The following SASH1 variants were observed in gnomAD, a reference collection of about 807,000 sequenced individuals.
SASH1 encodes the protein SAM and SH3 domain containing 1, also known as SAM and SH3 domain-containing protein 1.
A neutral mutation model predicts 125.2 loss-of-function variants in SASH1; 44 were observed. That is an observed-to-expected ratio of 0.35 (90% CI 0.28 to 0.45). The LOEUF (loss-of-function observed/expected upper bound fraction) is 0.45, where lower values mean the gene tolerates loss of function less well. Among genes scored for constraint, SASH1 ranks in the 20% least tolerant of loss-of-function variants. SASH1 has a pLI of 1.00. For synonymous variants in SASH1, 639 were observed against 649.1 expected, an observed-to-expected ratio of 0.98 and a Z score of 0.24; for missense variants, 1,426 against 1,614.5, an observed-to-expected ratio of 0.88 and a Z score of 2.00.
At chr6:148,478,143 A>G (rs1778452605) in intron 7 of SASH1, among the ~76,000 whole-genome samples, 2 of 152,230 alleles carry the variant, frequency 1.3e-5, no homozygotes, top group Admixed American at 1.3e-4. Flanking sequence ...ATACAAAAAA[A>G]TAGAACTACC....
the SASH1 span, among the ~76,000 whole-genome samples, chr6:148,210,197 C>G: frequency 2.0e-5 from 3 of 152,150 alleles, no homozygotes; most frequent in Non-Finnish European, 4.4e-5. Context: ...TGCTGATGCC[C>G]CTTTTACAGA....
chr6:148,502,150 G>T (rs1779583757), intron 8 of SASH1, among the ~76,000 whole-genome samples: 1 of 152,034 alleles, frequency 6.6e-6, no homozygotes, highest in South Asian at 2.1e-4. Flanking sequence ...TTCAAATCTG[G>T]CAACAACTAG....
chr6:148,219,848 A>C, the SASH1 span, among the ~76,000 whole-genome samples: 4 of 152,170 alleles, frequency 2.6e-5, no homozygotes, highest in African/African-American at 9.7e-5. Flanking sequence ...TCTTTACAGC[A>C]CAGGTGGAAC....
intron 1 of SASH1, among the ~76,000 whole-genome samples, chr6:148,379,606 T>G (rs1783053008): frequency 6.6e-6 from 1 of 151,946 alleles, no homozygotes; most frequent in Non-Finnish European, 1.5e-5. Flanking sequence ...CATCCATCAA[T>G]CCATCCATCC....
intron 1 of SASH1, among the ~76,000 whole-genome samples, chr6:148,349,252 C>CTTTTTTTTTTTTTT (rs11317386): frequency 1.3e-3 from 59 of 47,038 alleles, no homozygotes; most frequent in Non-Finnish European, 1.5e-3. Context: ...TTCTTTCTTT[C>CTTTTTTTTTTTTTT]TTTTTTTTTT....
At chr6:148,410,458 T>G (rs754295849) in intron 2 of SASH1, among the ~76,000 whole-genome samples, 7 of 152,116 alleles carry the variant, frequency 4.6e-5, no homozygotes, top group Non-Finnish European at 1.0e-4. Context: ...AAGGTAACAT[T>G]TGTGGAAGGC....
chr6:148,313,615 CCCCACTA>C (rs1780395151), intron 1 of SASH1, among the ~76,000 whole-genome samples: 1 of 152,088 alleles, frequency 6.6e-6, no homozygotes, highest in South Asian at 2.1e-4. Context: ...CTTCCACTGC[CCCCACTA>C]CCCCTCAACA....
At chr6:148,348,911 C>T (rs974319639) in intron 1 of SASH1, among the ~76,000 whole-genome samples, 33 of 152,238 alleles carry the variant, frequency 2.2e-4, no homozygotes, top group Admixed American at 2.0e-3. Context: ...GTGGGCAGAG[C>T]GCCCCGAAGG....
intron 1 of SASH1, among the ~76,000 whole-genome samples, chr6:148,304,788 G>T (rs540360669): frequency 3.4e-4 from 51 of 152,182 alleles, no homozygotes; most frequent in Non-Finnish European, 6.6e-4. Context: ...AACACTTTGG[G>T]AGGCCGAGGC....
At chr6:148,292,134 A>G (rs1430266615) in intron 1 of SASH1, among the ~76,000 whole-genome samples, 1 of 152,234 alleles carries the variant, frequency 6.6e-6, no homozygotes, top group Non-Finnish European at 1.5e-5. Context: ...TTGAGATTAG[A>G]AAGTAGACAG....
Position 148,387,601 on chromosome 6 carries a change from T to TTCC in SASH1, c.157-2532_157-2531insCCT, listed in dbSNP as rs1783466441. The stretch of plus-strand genomic sequence containing the variant: ...CTTTCTTTCTTTCTTTCTTTCTTTC[T>TTCC]TTCTTTCTTTCTTTCTTTCTTTCTT... On this transcript the variant is annotated intron_variant, in intron 1 of 19. Coordinates refer to ENST00000367467, the MANE Select transcript of SASH1 (RefSeq NM_015278.5). Among the ~76,000 whole-genome samples, 4 of 18,226 alleles carry TTCC rather than the reference T, an allele frequency of 2.2e-4. 1 individual carries two copies. Among genetic ancestry groups the TTCC allele is most frequent in the African/African-American group, 1.3e-3 (4 of 3,156 alleles). 12.0% of individuals were successfully genotyped at this position (18,226 alleles called of 152,430 possible).
rs145464650 is a variant in SASH1 at position 148,336,862 on chromosome 6, T to C, written n.75-53272T>C. Among the ~76,000 whole-genome samples, 438 of 152,332 alleles carry C rather than the reference T, an allele frequency of 2.9e-3. 2 individuals are homozygous for C. Among genetic ancestry groups the C allele is most frequent in the African/African-American group, 9.9e-3 (411 of 41,576 alleles). ...ATCAAGAAAGGTTGAGTTCACTAAGTGGTTTTGTCTTCGCAGGGATTCTGC... is the reference window on the plus strand; with the variant it reads ...ATCAAGAAAGGTTGAGTTCACTAAGCGGTTTTGTCTTCGCAGGGATTCTGC... On this transcript the variant is annotated intron_variant and non_coding_transcript_variant, in intron 1 of 3. Coordinates refer to the SASH1 transcript ENST00000367469.
At chr6:148,234,435 C>T in the SASH1 span, among the ~76,000 whole-genome samples, 18 of 151,812 alleles carry the variant, frequency 1.2e-4, no homozygotes, top group South Asian at 2.1e-4. Flanking sequence ...ACTGAGGTTT[C>T]TGCAAAGCAT....
At chr6:148,259,635 G>A in the SASH1 span, among the ~76,000 whole-genome samples, 3 of 152,148 alleles carry the variant, frequency 2.0e-5, no homozygotes, top group Non-Finnish European at 4.4e-5. Context: ...CCCAGCACAC[G>A]CCTAACTTAA....
Position 148,532,136 on chromosome 6 carries a change from G to T in SASH1, c.1564+475G>T, listed in dbSNP as rs893013783. 6.6e-6 allele frequency among the ~76,000 whole-genome samples: 1 copy of T among 152,114 alleles called. No individual in the cohort carries two copies. The highest frequency in any genetic ancestry group is 6.5e-5 in the Admixed American group (1 of 15,276). On this transcript the variant is annotated intron_variant, in intron 13 of 19. Transcript: ENST00000367467. The surrounding 1 kb of genome is among the most constrained non-coding windows in gnomAD (Gnocchi z 4.7). ...ACTGTCTCCCAGGCTGGAGTGCAGT[G>T]TTGTGATCTCAGCTCACTGCAACCT...
At chr6:148,415,893 A>G (rs1784798291) in intron 2 of SASH1, among the ~76,000 whole-genome samples, 1 of 152,244 alleles carries the variant, frequency 6.6e-6, no homozygotes, top group South Asian at 2.1e-4. Context: ...TTTTAAAGAG[A>G]GAATTAGGGA....
chr6:148,224,137 T>C, the SASH1 span, among the ~76,000 whole-genome samples: 1 of 152,072 alleles, frequency 6.6e-6, no homozygotes, highest in African/African-American at 2.4e-5. Flanking sequence ...CTACCAAAAA[T>C]TTTAAAAAAT....
chr6:148,308,804 C>T, intron 1 of SASH1, among the ~76,000 whole-genome samples: 1 of 151,150 alleles, frequency 6.6e-6, no homozygotes, highest in Admixed American at 6.6e-5. Flanking sequence ...TCTTTCTCTG[C>T]CAGACGCAGT....
chr6:148,415,391 T>G (rs1340728370), intron 2 of SASH1, among the ~76,000 whole-genome samples: 1 of 152,216 alleles, frequency 6.6e-6, no homozygotes, highest in Non-Finnish European at 1.5e-5. Flanking sequence ...CAACCTGTTC[T>G]TTAAAGGGTC....
Sources: allele counts gnomAD v4.1 joint callset (sites outside exome capture counted in the v4.1 genomes callset), GRCh38; gene constraint gnomAD v4.1.1; non-coding constraint Gnocchi (gnomAD v3.1); transcripts MANE v1.5; gene names NCBI Gene and HGNC (gene_info 2026-07-23, HGNC 2026-07-21).